STK33: variants seen among roughly 807,000 people sequenced by gnomAD.
The protein encoded by STK33 is serine/threonine kinase 33.
Under a neutral mutation model 58.0 loss-of-function variants are expected in STK33, and 52 were observed. That is an observed-to-expected ratio of 0.90 (90% CI 0.72 to 1.13). The LOEUF (loss-of-function observed/expected upper bound fraction) is 1.13. STK33 is among the 50% of genes most tolerant of loss of function. The probability of loss-of-function intolerance (pLI) is 0.00; values close to 1 mark genes in which losing one functional copy is unlikely to be tolerated. For missense variants in STK33, 630 were observed against 604.2 expected (o/e 1.04, Z -0.45); for synonymous variants, 215 against 200.1 (o/e 1.07, Z -0.63).
At chr11:8,537,884 T>C (rs1442879485) in intron 1 of STK33, among the ~76,000 whole-genome samples, 1 of 148,644 alleles carries the variant, frequency 6.7e-6, no homozygotes, top group African/African-American at 2.5e-5. Flanking sequence ...AGAAGTTTTC[T>C]TGAGTAAAAA....
At chr11:8,426,805 GC>G (rs1306416612) in intron 14 of STK33, among the ~76,000 whole-genome samples, 2 of 151,868 alleles carry the variant, frequency 1.3e-5, no homozygotes, top group African/African-American at 2.4e-5. Context: ...TTCAGTCTCT[GC>G]CCCCTTCCAT....
intron 15 of STK33, among the ~76,000 whole-genome samples, chr11:8,404,202 G>C (rs550213171): frequency 1.2e-4 from 18 of 152,330 alleles, no homozygotes; most frequent in African/African-American, 4.3e-4. Context: ...CTTGCATAAA[G>C]ATCTGGGTCT....
intron 15 of STK33, among the ~76,000 whole-genome samples, chr11:8,402,059 G>A (rs1039623258): frequency 7.9e-5 from 12 of 152,170 alleles, no homozygotes; most frequent in Admixed American, 1.3e-4. Flanking sequence ...TCAGTGTGGC[G>A]ATTCCTCAGG....
intron 1 of STK33, among the ~76,000 whole-genome samples, chr11:8,513,056 T>C (rs10444244): frequency 0.55 from 83,355 of 152,022 alleles, 23,167 homozygotes; most frequent in African/African-American, 0.64. Flanking sequence ...ATTGATTCTT[T>C]GGTTATAAGC....
intron 1 of STK33, among the ~76,000 whole-genome samples, chr11:8,539,846 A>T (rs965334391): frequency 6.6e-6 from 1 of 152,200 alleles, no homozygotes; most frequent in East Asian, 1.9e-4. Context: ...TGTAAATGCT[A>T]AGCTTCTATA....
At chr11:8,451,943 G>A (rs925402451) in intron 11 of STK33, among the ~76,000 whole-genome samples, 2 of 152,152 alleles carry the variant, frequency 1.3e-5, no homozygotes, top group Non-Finnish European at 2.9e-5. Context: ...GGTGGCTCAC[G>A]TCTGTAATCT....
At chr11:8,508,743 G>C (rs1457216453) in intron 1 of STK33, among the ~76,000 whole-genome samples, 1 of 152,134 alleles carries the variant, frequency 6.6e-6, no homozygotes, top group Non-Finnish European at 1.5e-5. Context: ...TAACACAATG[G>C]AGAATGGAAA....
At chr11:8,334,922 A>G in the STK33 span, among the ~76,000 whole-genome samples, 1 of 152,146 alleles carries the variant, frequency 6.6e-6, no homozygotes, top group Non-Finnish European at 1.5e-5. Context: ...CCCAGCACAT[A>G]CCCTGCTCTT....
chr11:8,377,039 A>C, the STK33 span, among the ~76,000 whole-genome samples: 8 of 152,156 alleles, frequency 5.3e-5, no homozygotes, highest in East Asian at 1.5e-3. Flanking sequence ...TCTCCTCCCC[A>C]GTGTCCTATA....
At chr11:8,383,360 T>C in the STK33 span, among the ~76,000 whole-genome samples, 10 of 152,158 alleles carry the variant, frequency 6.6e-5, no homozygotes, top group East Asian at 1.9e-3. Context: ...ATAGGAAGAA[T>C]TTTCTCACAC....
chr11:8,492,078 T>A (rs918923385), intron 1 of STK33, among the ~76,000 whole-genome samples: 6 of 152,182 alleles, frequency 3.9e-5, no homozygotes, highest in East Asian at 1.9e-4. Flanking sequence ...TGACAGGATC[T>A]AATTCACACA....
the STK33 span, among the ~76,000 whole-genome samples, chr11:8,350,552 C>T: frequency 6.6e-6 from 1 of 152,182 alleles, no homozygotes; most frequent in Admixed American, 6.5e-5. Context: ...TTTGGTCTCC[C>T]CCATGCCACT....
chr11:8,564,300 G>GAAAAA (rs1957308998), intron 1 of STK33, among the ~76,000 whole-genome samples: 1 of 152,120 alleles, frequency 6.6e-6, no homozygotes, highest in African/African-American at 2.4e-5. Flanking sequence ...ATGACTTTGG[G>GAAAAA]CATTGATGGA....
the STK33 span, among the ~76,000 whole-genome samples, chr11:8,370,008 C>G: frequency 7.2e-5 from 11 of 152,316 alleles, no homozygotes; most frequent in South Asian, 2.1e-4. Context: ...CTGTCTCAGG[C>G]CCTTCCGTGT....
intron 1 of STK33, among the ~76,000 whole-genome samples, chr11:8,515,670 T>C (rs1157932648): frequency 1.3e-5 from 2 of 152,160 alleles, no homozygotes; most frequent in African/African-American, 2.4e-5. Context: ...GATGCAAGGA[T>C]AGTTCAACAC....
chr11:8,356,980 C>T, the STK33 span, among the ~76,000 whole-genome samples: 1 of 152,194 alleles, frequency 6.6e-6, no homozygotes, highest in South Asian at 2.1e-4. Flanking sequence ...GCCCACACAG[C>T]TGGACTGCAT....
intron 1 of STK33, among the ~76,000 whole-genome samples, chr11:8,518,175 G>A (rs1187973939): frequency 6.6e-6 from 1 of 152,206 alleles, no homozygotes; most frequent in African/African-American, 2.4e-5. Context: ...GAAGAGAGTG[G>A]GGGCAAATAT....
intron 1 of STK33, among the ~76,000 whole-genome samples, chr11:8,592,934 A>AGG (rs1472315062): frequency 2.0e-5 from 3 of 152,250 alleles, no homozygotes; most frequent in African/African-American, 7.2e-5. Context: ...TTAAGAGGCT[A>AGG]CTACTGGACA....
intron 1 of STK33, among the ~76,000 whole-genome samples, chr11:8,496,660 C>T (rs1227106655): frequency 7.3e-5 from 11 of 151,560 alleles, no homozygotes; most frequent in Admixed American, 3.9e-4. Context: ...CTGCAAGCTC[C>T]GCCTCCCAGG....
Sources: allele counts gnomAD v4.1 joint callset (sites outside exome capture counted in the v4.1 genomes callset), GRCh38; gene constraint gnomAD v4.1.1; transcripts MANE v1.5; gene names NCBI Gene and HGNC (gene_info 2026-07-23, HGNC 2026-07-21).